NTM: variants seen among roughly 807,000 people sequenced by gnomAD.
NTM encodes the protein neurotrimin.
A neutral mutation model predicts 42.1 loss-of-function variants in NTM; 13 were observed. That is an observed-to-expected ratio of 0.31 (90% CI 0.20 to 0.49). NTM has a LOEUF of 0.49. Among genes scored for constraint, NTM ranks in the 20% least tolerant of loss-of-function variants. The probability of loss-of-function intolerance (pLI) is 0.99; values close to 1 mark genes in which losing one functional copy is unlikely to be tolerated. For missense variants in NTM, 373 were observed against 452.8 expected, an observed-to-expected ratio of 0.82 and a Z score of 1.60; for synonymous variants, 187 against 179.2, an observed-to-expected ratio of 1.04 and a Z score of -0.35.
At chr11:132,326,577 G>A (rs1465827002) in intron 7 of NTM, among the ~76,000 whole-genome samples, 1 of 152,218 alleles carries the variant, frequency 6.6e-6, no homozygotes, top group East Asian at 1.9e-4. Context: ...GTGCCAACTT[G>A]CTACTCTGAT....
intron 4 of NTM, among the ~76,000 whole-genome samples, chr11:132,212,922 C>A (rs116909718): frequency 0.023 from 3,448 of 151,416 alleles, 60 homozygotes; most frequent in Middle Eastern, 0.075. Context: ...GTGAAGTTTT[C>A]ACACTCATGA....
At chr11:132,296,538 G>C (rs1168770416) in intron 4 of NTM, among the ~76,000 whole-genome samples, 1 of 152,190 alleles carries the variant, frequency 6.6e-6, no homozygotes, top group Non-Finnish European at 1.5e-5. Flanking sequence ...TTACTAAGGA[G>C]GGAACTGAGG....
chr11:131,629,790 A>G (rs955223925), intron 1 of NTM, among the ~76,000 whole-genome samples: 2 of 152,198 alleles, frequency 1.3e-5, no homozygotes, highest in African/African-American at 2.4e-5. Context: ...GTATTTTGCT[A>G]AAGGAGTGTA....
chr11:131,969,256 A>C (rs879928899), intron 2 of NTM, among the ~76,000 whole-genome samples: 4 of 152,146 alleles, frequency 2.6e-5, no homozygotes, highest in African/African-American at 4.8e-5. Context: ...TTGAGTGAGC[A>C]CCAAGAAATA....
chr11:131,693,572 G>A (rs974348428), intron 1 of NTM, among the ~76,000 whole-genome samples: 1 of 152,140 alleles, frequency 6.6e-6, no homozygotes, highest in African/African-American at 2.4e-5. Flanking sequence ...CCTGAGGGGA[G>A]GTGACAGGAG....
intron 1 of NTM, among the ~76,000 whole-genome samples, chr11:131,673,643 C>T (rs1335511224): frequency 6.6e-6 from 1 of 152,188 alleles, no homozygotes; most frequent in Non-Finnish European, 1.5e-5. Context: ...TGCAAAAATG[C>T]TCTTCCATCC....
In NTM at chr11:132,121,857, T is replaced by C. The variant is rs570582601; in HGVS notation, c.168-24425T>C. On this transcript the variant is annotated intron_variant, in intron 2 of 8. Coordinates refer to ENST00000683400, the MANE Select transcript of NTM (RefSeq NM_001352005.2). Reference sequence around the variant, plus strand: ...TTCTTCTGCTCCTAGCCTTTGTGCCTGGTAAATATACTTCTTTGACGAGTG... The same window carrying C: ...TTCTTCTGCTCCTAGCCTTTGTGCCCGGTAAATATACTTCTTTGACGAGTG... Among the ~76,000 whole-genome samples, 17 of 152,362 alleles carry C rather than the reference T, an allele frequency of 1.1e-4. No homozygotes were observed. The South Asian group carries it at 3.3e-3, about 30-fold the overall frequency.
chr11:132,007,710 G>A (rs1008711939), intron 2 of NTM, among the ~76,000 whole-genome samples: 1 of 152,172 alleles, frequency 6.6e-6, no homozygotes, highest in East Asian at 1.9e-4. Flanking sequence ...TGTGAATTGT[G>A]TTTGTGTATC....
chr11:132,084,472 C>T (rs1272818913), intron 2 of NTM, among the ~76,000 whole-genome samples: 1 of 152,118 alleles, frequency 6.6e-6, no homozygotes, highest in East Asian at 1.9e-4. Flanking sequence ...TAATCCTGTT[C>T]ATCTCTCATC....
intron 2 of NTM, among the ~76,000 whole-genome samples, chr11:132,043,551 A>G (rs1468327359): frequency 6.6e-6 from 1 of 152,202 alleles, no homozygotes; most frequent in Non-Finnish European, 1.5e-5. Flanking sequence ...ACAGACTCTG[A>G]CTCAGCCAGT....
At chr11:131,479,771 GC>G (rs1953352827) in intron 1 of NTM, among the ~76,000 whole-genome samples, 1 of 152,214 alleles carries the variant, frequency 6.6e-6, no homozygotes, top group African/African-American at 2.4e-5. Flanking sequence ...AGGTAAAGGT[GC>G]AGGTGATATG....
chr11:131,413,972 A>T (rs1422186462), intron 1 of NTM, among the ~76,000 whole-genome samples: 2 of 152,162 alleles, frequency 1.3e-5, no homozygotes, highest in Non-Finnish European at 2.9e-5. Flanking sequence ...AGAGTAATAG[A>T]ATCCTGGTTC....
chr11:131,585,527 T>C (rs1045063314), intron 1 of NTM, among the ~76,000 whole-genome samples: 4 of 152,172 alleles, frequency 2.6e-5, no homozygotes, highest in African/African-American at 9.6e-5. Flanking sequence ...AACACCACCA[T>C]GTTGTGTGAC....
At chr11:131,872,797 G>C (rs974923039) in intron 1 of NTM, among the ~76,000 whole-genome samples, 1 of 152,124 alleles carries the variant, frequency 6.6e-6, no homozygotes, top group African/African-American at 2.4e-5. Flanking sequence ...CAGATTTATA[G>C]GGGACAATGT....
At chr11:131,713,838 G>C (rs545725013) in intron 1 of NTM, among the ~76,000 whole-genome samples, 1 of 152,170 alleles carries the variant, frequency 6.6e-6, no homozygotes, top group Non-Finnish European at 1.5e-5. Flanking sequence ...TTATTAAAAA[G>C]TTTTAGAGCA....
At chr11:132,030,569 G>C (rs981799939) in intron 2 of NTM, among the ~76,000 whole-genome samples, 1 of 152,172 alleles carries the variant, frequency 6.6e-6, no homozygotes, top group Non-Finnish European at 1.5e-5. Context: ...AGGTGGTCTT[G>C]GAAGCCCTCT....
chr11:131,848,134 T>C (rs2045134640), intron 1 of NTM, among the ~76,000 whole-genome samples: 1 of 152,238 alleles, frequency 6.6e-6, no homozygotes, highest in Admixed American at 6.5e-5. Flanking sequence ...TAAGGGGTTC[T>C]AAAGTTCAGA....
At chr11:131,967,523 G>A (rs2062989820) in intron 2 of NTM, among the ~76,000 whole-genome samples, 2 of 152,216 alleles carry the variant, frequency 1.3e-5, no homozygotes, top group Admixed American at 1.3e-4. Flanking sequence ...CATGAAGGTG[G>A]GATGAGGACC....
At chr11:131,628,617 C>T (rs1171402556) in intron 1 of NTM, among the ~76,000 whole-genome samples, 1 of 152,124 alleles carries the variant, frequency 6.6e-6, no homozygotes, top group Admixed American at 6.5e-5. Flanking sequence ...TCTCTCTCAT[C>T]CTCACTCCCA....
Sources: gnomAD v4.1 joint callset for allele counts (sites outside exome capture counted in the v4.1 genomes callset) on GRCh38, gnomAD v4.1.1 for gene constraint, MANE v1.5 for transcripts, NCBI Gene and HGNC (gene_info 2026-07-23, HGNC 2026-07-21) for gene names.